The following SH3TC2 variants were observed in gnomAD, a reference collection of about 807,000 sequenced individuals.
SH3TC2 encodes the protein SH3 domain and tetratricopeptide repeat-containing protein 2.
A neutral mutation model predicts 124.5 loss-of-function variants in SH3TC2; 87 were observed. The ratio of observed to expected loss-of-function variants is 0.70; its 90% CI spans 0.59 to 0.84. The LOEUF (loss-of-function observed/expected upper bound fraction) is 0.84, where lower values mean the gene tolerates loss of function less well. Ranked by LOEUF, SH3TC2 falls within the 40% of genes least tolerant of loss-of-function variation. SH3TC2 has a pLI of 0.00. For synonymous variants in SH3TC2, 634 were observed against 628.5 expected, an observed-to-expected ratio of 1.01 and a Z score of -0.13; for missense variants, 1,536 against 1,566.4, an observed-to-expected ratio of 0.98 and a Z score of 0.33.
At chr5:149,005,599 G>T (rs1753674102) in intron 16 of SH3TC2, among the ~76,000 whole-genome samples, 1 of 152,194 alleles carries the variant, frequency 6.6e-6, no homozygotes, top group African/African-American at 2.4e-5. Context: ...CTATGGGGCA[G>T]AGGCAAGATG....
Position 149,027,462 on chromosome 5 carries a change from C to A in SH3TC2, c.2270G>T (p.Arg757Met). 1 of 1,614,204 alleles carries A rather than the reference C, an allele frequency of 6.2e-7. No individual in the cohort carries two copies. Among genetic ancestry groups the A allele is most frequent in the Non-Finnish European group, 8.5e-7 (1 of 1,180,052 alleles). ...CEELADRSTQ[R>M]ALCLILSKVY... ...TTTGGAAAGGATGAGACACAGGGCC[C>A]TCTGGGTGCTCCGGTCTGCTAGTTC... Residue 757 changes from arginine (R) to methionine (M), a missense_variant, in exon 11 of 17, where the codon AGG becomes ATG. Coordinates refer to ENST00000515425, the MANE Select transcript of SH3TC2 (RefSeq NM_024577.4).
intron 2 of SH3TC2, 162 bp from the exon 3 acceptor site, chr5:149,048,151 T>C (rs1754498926): frequency 2.1e-6 from 2 of 939,554 alleles, no homozygotes; most frequent in East Asian, 2.8e-5. Flanking sequence ...GGAGCACTCC[T>C]TTAAATGGTC....
At chr5:149,061,202 A>G (rs1418087243) in intron 1 of SH3TC2, among the ~76,000 whole-genome samples, 1 of 152,144 alleles carries the variant, frequency 6.6e-6, no homozygotes. Flanking sequence ...TGATAGTGTT[A>G]TTATGATTTT....
intron 16 of SH3TC2, 50 bp downstream of exon 16, chr5:149,006,831 A>G: frequency 2.6e-6 from 4 of 1,563,374 alleles, no homozygotes; most frequent in Non-Finnish European, 3.5e-6. Flanking sequence ...GTCAGGAAGG[A>G]GAATGGTTGG....
chr5:149,041,227 A>G (rs1047620522), intron 6 of SH3TC2, among the ~76,000 whole-genome samples, 189 bp downstream of exon 6: 6 of 152,216 alleles, frequency 3.9e-5, no homozygotes, highest in African/African-American at 1.4e-4. Context: ...GTTGTCTCCA[A>G]TTTCATCAGA....
At position 149,028,326 on chromosome 5, in the gene SH3TC2, G is replaced by A. The variant is rs768222032; in HGVS notation, c.1406C>T (p.Pro469Leu). 18 of 1,613,910 alleles carry A rather than the reference G, an allele frequency of 1.1e-5. No homozygotes were observed. The Admixed American group carries it at 3.0e-4, about 27-fold the overall frequency. Residue 469 changes from proline (P) to leucine (L), a missense_variant, in exon 11 of 17, where the codon CCC (proline) becomes CTC (leucine). Pro to Leu is a moderately conservative substitution (Grantham distance 98, BLOSUM62 -3). Coordinates refer to ENST00000515425, the MANE Select transcript of SH3TC2 (RefSeq NM_024577.4). ...CTCATGATCCAGAAAAGCCAATATG[G>A]GGGCGAAGTTCTCAGCCTCCTCCTC... ...GQEEEAENFAPILAFLDHEGY... is the reference protein window; with the variant it reads ...GQEEEAENFALILAFLDHEGY...
intron 3 of SH3TC2, 177 bp downstream of exon 3, chr5:149,047,685 A>G (rs1580914160): frequency 2.4e-6 from 2 of 845,420 alleles, no homozygotes; most frequent in Non-Finnish European, 1.9e-6. Flanking sequence ...GTTCCTGCCC[A>G]CTCCTCTCCA....
Position 149,038,351 on chromosome 5 carries a change from T to A in SH3TC2, c.945A>T (p.Ser315=). The change falls in exon 8 of 17, where the codon TCA becomes TCT. Residue 315 remains serine (S), a synonymous_variant. Coordinates refer to ENST00000515425, the MANE Select transcript of SH3TC2 (RefSeq NM_024577.4). ...LQWFIGKSTS[S]GQVGFVPTRN... is the part of the protein sequence containing the mutation. ...TGGTGGGGACAAAGCCCACTTGTCC[T>A]GAACTTGTCGACTTTCCAATGAACC... The A allele has an allele frequency of 6.2e-7, 1 of 1,614,216 alleles. No homozygotes were observed. Among genetic ancestry groups the A allele is most frequent in the Non-Finnish European group, 8.5e-7 (1 of 1,180,024 alleles).
rs1379092754 is a variant in SH3TC2 at position 149,027,121 on chromosome 5, C to T, written c.2611G>A (p.Asp871Asn). ...RALNRAQEVG[D>N]VHNQAVAMAN... is the part of the protein sequence containing the mutation. The stretch of plus-strand genomic sequence containing the variant: ...ATAGCCACTGCCTGGTTATGCACAT[C>T]TCCCACCTCCTGGGCTCTGTTCAAG... Residue 871 changes from aspartate (D) to asparagine (N), a missense_variant, in exon 11 of 17, where the codon GAT becomes AAT. This residue lies in a region of SH3TC2 where 1,102 missense variants were observed against 1,098.6 expected (regional missense o/e 1.00). Transcript: ENST00000515425. The T allele has an allele frequency of 6.2e-7, 1 of 1,614,138 alleles. No individual in the cohort carries two copies. Among genetic ancestry groups the T allele is most frequent in the Admixed American group, 1.7e-5 (1 of 60,036 alleles).
chr5:149,006,654 T>G (rs1234342759), intron 16 of SH3TC2, among the ~76,000 whole-genome samples: 2 of 152,002 alleles, frequency 1.3e-5, no homozygotes, highest in African/African-American at 4.8e-5. Context: ...GGAACCATGG[T>G]CTACTCCTCA....
chr5:149,012,446 C>A (rs1159057315), intron 13 of SH3TC2, 138 bp downstream of exon 13: 2 of 1,136,146 alleles, frequency 1.8e-6, no homozygotes, highest in South Asian at 1.3e-5. Context: ...CAGGGAGCAG[C>A]CCAGTGTTGA....
chr5:149,006,394 A>C, intron 16 of SH3TC2: 1 of 197,918 alleles, frequency 5.1e-6, no homozygotes, highest in South Asian at 1.0e-4. Flanking sequence ...GTTAATATGC[A>C]CCCACATTTC....
intron 1 of SH3TC2, 133 bp from the exon 2 acceptor site, chr5:149,052,373 T>G: frequency 1.4e-6 from 1 of 703,206 alleles, no homozygotes; most frequent in Admixed American, 2.0e-5. Flanking sequence ...CTAATTGTTA[T>G]CACCATTGCC....
rs370090569 is a variant in SH3TC2, at chr5:149,004,771, C to T, written c.3807G>A (p.Arg1269=). 27 of 1,614,074 alleles carry T rather than the reference C, an allele frequency of 1.7e-5. No homozygotes were observed. The highest frequency in any genetic ancestry group is 2.2e-5 in the East Asian group (1 of 44,846). ...CCCTCTCTGAGGAGCACCCGGAGGG[C>T]CTGCTGTGCCACAGGGGGCTCTGGC... The part of the protein sequence containing the change: ...NICQSPLWHS[R]PSGCSSERAR... Residue 1269 remains arginine (R), a synonymous_variant, in exon 17 of 17, where the codon AGG becomes AGA. Transcript: ENST00000515425.
chr5:149,034,526 C>A (rs1487034175), intron 8 of SH3TC2: 1 of 398,710 alleles, frequency 2.5e-6, no homozygotes. Flanking sequence ...AAGTCCTGAG[C>A]AAAATAAATA....
intron 3 of SH3TC2, chr5:149,046,941 G>A (rs1044323102): frequency 2.0e-5 from 3 of 152,128 alleles, no homozygotes; most frequent in African/African-American, 7.2e-5. Context: ...TGAAAAACCA[G>A]ACATTATCTT....
chr5:149,027,641 A>G lies in SH3TC2; in HGVS notation c.2091T>C (p.Gly697=). The change falls in exon 11 of 17, where the codon GGT becomes GGC. Residue 697 remains glycine (G), a synonymous_variant. Coordinates refer to ENST00000515425, the MANE Select transcript of SH3TC2 (RefSeq NM_024577.4). The stretch of plus-strand genomic sequence containing the variant: ...GAGACATCCCTTGGGCACTCTGGAT[A>G]CCATGTTGCTGGACAGAGGCCACTG... The part of the protein sequence containing the change: ...HLAVASVQQH[G]IQSAQGMSLP... 2.5e-6 allele frequency: 4 copies of G among 1,614,246 alleles called. No homozygotes were observed. Among genetic ancestry groups the G allele is most frequent in the Non-Finnish European group, 3.4e-6 (4 of 1,180,040 alleles).
chr5:149,015,804 T>C (rs545347643), intron 12 of SH3TC2, among the ~76,000 whole-genome samples: 172 of 152,268 alleles, frequency 1.1e-3, no homozygotes, highest in African/African-American at 3.9e-3. Flanking sequence ...CACTAATTGG[T>C]CATGTCCTGT....
rs1431870373 is a variant in SH3TC2, at chr5:149,026,311, A to G, written c.3053+261T>C. ...ATGAGCATTAACTCATTTATCCTTC[A>G]CAATAACACTATAAGATAGATGCCA... On this transcript the variant is annotated intron_variant, in intron 12 of 16. Transcript: ENST00000515425. 4 of 525,220 alleles carry G rather than the reference A, an allele frequency of 7.6e-6. No homozygotes were observed. In the East Asian group the frequency reaches 1.4e-4, roughly 18 times the overall value. 32.5% of individuals were successfully genotyped at this position (525,220 alleles called of 1,614,324 possible). A position where few individuals can be genotyped will look rare whatever the true frequency, so the allele number is the denominator to read the frequency against.
Sources: allele counts gnomAD v4.1 joint callset (sites outside exome capture counted in the v4.1 genomes callset), GRCh38; gene constraint gnomAD v4.1.1; regional missense constraint gnomAD v4.1.1; transcripts MANE v1.5; gene names NCBI Gene and HGNC (gene_info 2026-07-23, HGNC 2026-07-21).